Variants in TCP11L2 observed in about 807,000 individuals in gnomAD.
The protein encoded by TCP11L2 is T-complex protein 11-like protein 2.
TCP11L2 carries 39 observed loss-of-function variants against 50.7 expected under a neutral mutation model. That is an observed-to-expected ratio of 0.77 (90% CI 0.60 to 1.01). The LOEUF is 1.01. Ranked by LOEUF, TCP11L2 falls within the 50% of genes least tolerant of loss-of-function variation. The pLI is 0.00. For synonymous variants in TCP11L2, 192 were observed against 219.3 expected (o/e 0.88, Z 1.10); for missense variants, 612 against 614.7 (o/e 1.00, Z 0.05).
rs1169761141 is a variant in TCP11L2 at position 106,336,026 on chromosome 12, T to C, written c.961-6T>C. 1 of 1,585,886 alleles carries C rather than the reference T, an allele frequency of 6.3e-7. No individual in the cohort carries two copies. Among genetic ancestry groups the C allele is most frequent in the Non-Finnish European group, 8.5e-7 (1 of 1,170,808 alleles). On this transcript the variant is annotated splice_polypyrimidine_tract_variant and splice_region_variant and intron_variant, in intron 7 of 9. Coordinates refer to ENST00000299045, the MANE Select transcript of TCP11L2 (RefSeq NM_152772.3). ...TCTATTTTTATATTTTAAATAAATATGTTAGACACTTATGACAGATGGAGC... is the reference window on the plus strand; with the variant it reads ...TCTATTTTTATATTTTAAATAAATACGTTAGACACTTATGACAGATGGAGC...
upstream of TCP11L2, among the ~76,000 whole-genome samples, chr12:106,298,944 A>T (rs996959298): frequency 4.0e-5 from 6 of 151,876 alleles, no homozygotes; most frequent in African/African-American, 1.2e-4. Flanking sequence ...CAGCCTCCCA[A>T]GTATTTGGGA....
intron 5 of TCP11L2, 125 bp from the exon 6 acceptor site, chr12:106,323,385 G>A (rs1478993168): frequency 2.7e-6 from 2 of 733,414 alleles, no homozygotes; most frequent in African/African-American, 3.7e-5. Flanking sequence ...CCTACCAAAT[G>A]GCAATTGGAA....
rs1232346894 is a variant in TCP11L2, at chr12:106,323,565, A to G, written c.691A>G (p.Met231Val). The change falls in exon 6 of 10, where the codon ATG becomes GTG. Residue 231 changes from methionine to valine, a missense_variant. Physicochemically the swap from Met to Val is conservative, Grantham distance 21 (BLOSUM62 1). Coordinates refer to ENST00000299045, the MANE Select transcript of TCP11L2 (RefSeq NM_152772.3). ...AATGGACATGGCCAATTTTACAATT[A>G]TGAGTCTCAGACCGCACCTTCAACG... is the stretch of plus-strand genomic sequence containing the variant. Reference protein sequence around the residue: ...MQMDMANFTIMSLRPHLQRQL... With the variant: ...MQMDMANFTIVSLRPHLQRQL... The G allele has an allele frequency of 6.2e-7, 1 of 1,610,004 alleles. No individual in the cohort carries two copies. Among genetic ancestry groups the G allele is most frequent in the Non-Finnish European group, 8.5e-7 (1 of 1,178,248 alleles).
intron 6 of TCP11L2, among the ~76,000 whole-genome samples, chr12:106,334,816 C>T (rs1393589069): frequency 2.0e-5 from 3 of 152,090 alleles, no homozygotes; most frequent in Admixed American, 6.6e-5. Context: ...TGGTGCACGC[C>T]TGTAGTCCCA....
chr12:106,316,471 C>G (rs1413212570), intron 3 of TCP11L2, among the ~76,000 whole-genome samples: 1 of 152,100 alleles, frequency 6.6e-6, no homozygotes, highest in African/African-American at 2.4e-5. Flanking sequence ...GTTCACCAAT[C>G]TGGATCTTGT....
intron 6 of TCP11L2, among the ~76,000 whole-genome samples, chr12:106,327,775 C>G (rs1382958240): frequency 6.6e-6 from 1 of 152,154 alleles, no homozygotes; most frequent in Non-Finnish European, 1.5e-5. Context: ...AAAATTAATA[C>G]AGAGAAGTAC....
chr12:106,334,346 C>T (rs750419285), intron 6 of TCP11L2, among the ~76,000 whole-genome samples: 1 of 152,290 alleles, frequency 6.6e-6, no homozygotes, highest in South Asian at 2.1e-4. Flanking sequence ...CCTCTCTAGC[C>T]TATATTCTGT....
intron 6 of TCP11L2, among the ~76,000 whole-genome samples, chr12:106,327,168 T>C (rs2035576592): frequency 2.0e-5 from 3 of 151,778 alleles, no homozygotes; most frequent in East Asian, 1.9e-4. Context: ...TTTTTTTCTG[T>C]TTTTTTTCTT....
At chr12:106,324,184 C>T (rs1414188011) in intron 6 of TCP11L2, 1 of 152,100 alleles carries the variant, frequency 6.6e-6, no homozygotes, top group East Asian at 1.9e-4. Flanking sequence ...GAAGTGAGGA[C>T]AGCATTGTTT....
intron 6 of TCP11L2, among the ~76,000 whole-genome samples, chr12:106,327,996 T>G (rs997659375): frequency 5.9e-5 from 9 of 152,324 alleles, no homozygotes; most frequent in Middle Eastern, 6.8e-3. Flanking sequence ...ATAAGTAATT[T>G]TTAAGATACC....
chr12:106,332,996 A>T (rs1242094200), intron 6 of TCP11L2, among the ~76,000 whole-genome samples: 1 of 152,208 alleles, frequency 6.6e-6, no homozygotes, highest in Non-Finnish European at 1.5e-5. Context: ...TGAGAGTGTG[A>T]CTACTGGGAG....
Position 106,311,048 on chromosome 12 carries a change from C to G in TCP11L2, c.-28C>G, listed in dbSNP as rs754842569. The G allele has an allele frequency of 3.7e-6, 6 of 1,611,810 alleles. No individual in the cohort carries two copies. Among genetic ancestry groups the G allele is most frequent in the African/African-American group, 1.3e-5 (1 of 75,034 alleles). On this transcript the variant is annotated 5_prime_UTR_variant, in exon 2 of 10. Coordinates refer to ENST00000299045, the MANE Select transcript of TCP11L2 (RefSeq NM_152772.3). ...GTCTGTTTGTCTGTGCAGGTGCTAC[C>G]TTTTTACCCACACTTAAGTGACGCA...
intron 3 of TCP11L2, among the ~76,000 whole-genome samples, chr12:106,315,032 T>C (rs2035023881): frequency 6.6e-6 from 1 of 150,712 alleles, no homozygotes; most frequent in Non-Finnish European, 1.5e-5. Context: ...AATTCCTGTT[T>C]GTGACCAGCC....
chr12:106,346,233 A>G, intron 9 of TCP11L2, 53 bp from the exon 10 acceptor site: 1 of 1,533,220 alleles, frequency 6.5e-7, no homozygotes, highest in Non-Finnish European at 8.8e-7. Context: ...TTGTTTTTAA[A>G]AATTATGTAC....
rs368148424 is a variant in TCP11L2 at position 106,323,497 on chromosome 12, C to A, written c.636-13C>A. ...TCTTAATCATCTCTCTATTTTAATT[C>A]TAAAATTTTTAGACAAATATTCCAT... On this transcript the variant is annotated splice_polypyrimidine_tract_variant and intron_variant, in intron 5 of 9. Transcript: ENST00000299045. The A allele has an allele frequency of 1.3e-6, 2 of 1,529,698 alleles. No homozygotes were observed. The highest frequency in any genetic ancestry group is 1.9e-5 in the Admixed American group (1 of 52,144). The allele number at this position is 1,529,698 out of a possible 1,614,324, so 94.8% of individuals were successfully genotyped here.
At chr12:106,330,883 A>C (rs1382694666) in intron 6 of TCP11L2, among the ~76,000 whole-genome samples, 1 of 152,202 alleles carries the variant, frequency 6.6e-6, no homozygotes, top group African/African-American at 2.4e-5. Flanking sequence ...AACTCTGCTA[A>C]TAATAACTAT....
At chr12:106,315,316 T>A (rs2035035470) in intron 3 of TCP11L2, among the ~76,000 whole-genome samples, 1 of 152,190 alleles carries the variant, frequency 6.6e-6, no homozygotes, top group Admixed American at 6.5e-5. Flanking sequence ...AGTTTATATG[T>A]CACTTCCTGA....
intron 4 of TCP11L2, among the ~76,000 whole-genome samples, chr12:106,319,776 T>C (rs1421358585): frequency 6.6e-6 from 1 of 152,238 alleles, no homozygotes. Context: ...CACACAACTT[T>C]GTGGGGTAGA....
At chr12:106,323,800 G>T in intron 6 of TCP11L2, 154 bp downstream of exon 6, 1 of 403,402 alleles carries the variant, frequency 2.5e-6, no homozygotes. Context: ...AAATGTTAAA[G>T]GTTAAAATGA....
Sources: gnomAD v4.1 joint callset for allele counts (sites outside exome capture counted in the v4.1 genomes callset) on GRCh38, gnomAD v4.1.1 for gene constraint, MANE v1.5 for transcripts, NCBI Gene and HGNC (gene_info 2026-07-23, HGNC 2026-07-21) for gene names.